Variants in USP3 observed in about 807,000 individuals in gnomAD.
The protein encoded by USP3 is ubiquitin carboxyl-terminal hydrolase 3.
In USP3, 20 loss-of-function variants were observed where a neutral mutation model predicts 72.3. The observed-to-expected ratio is 0.28, with a 90% CI of 0.19 to 0.40. USP3 has a LOEUF of 0.40. USP3 is among the 10% of genes least tolerant of loss of function. USP3 has a pLI of 1.00. For missense variants in USP3, 479 were observed against 633.9 expected, an observed-to-expected ratio of 0.76 and a Z score of 2.62; for synonymous variants, 222 against 225.3, an observed-to-expected ratio of 0.99 and a Z score of 0.13.
intron 3 of USP3, among the ~76,000 whole-genome samples, chr15:63,538,111 T>C (rs1008040527): frequency 1.3e-5 from 2 of 152,218 alleles, no homozygotes; most frequent in Non-Finnish European, 2.9e-5. Flanking sequence ...TTGTGACTAC[T>C]TAGAACTAGG....
In USP3 at chr15:63,548,150, T is replaced by C. The variant is rs140362760; in HGVS notation, c.285-5565T>C. ...AGTTACAAAAAACTAAAAAAAAATC[T>C]TAGAGACAGGGTCTCTGTCACCCAG... On this transcript the variant is annotated intron_variant, in intron 3 of 14. Coordinates refer to ENST00000380324, the MANE Select transcript of USP3 (RefSeq NM_006537.4). Among the ~76,000 whole-genome samples, 268 of 151,136 alleles carry C rather than the reference T, an allele frequency of 1.8e-3. 3 individuals carry two copies. In the East Asian group the frequency reaches 0.023, roughly 13 times the overall value.
At chr15:63,548,357 A>ACT (rs1304893510) in intron 3 of USP3, among the ~76,000 whole-genome samples, 1 of 151,270 alleles carries the variant, frequency 6.6e-6, no homozygotes, top group African/African-American at 2.4e-5. Flanking sequence ...ACAGAGTCTC[A>ACT]CTCTGTTGCC....
Position 63,570,313 on chromosome 15 carries a change from C to G in USP3, c.762-120C>G. ...GCTTTCGGGCATGAAGGTGAGGAAG[C>G]CTGGCTGTGCTTGTGAGCACGGGGC... On this transcript the variant is annotated intron_variant, in intron 8 of 14. Transcript: ENST00000380324. The surrounding 1 kb of genome is among the most constrained non-coding windows in gnomAD (Gnocchi z 4.4). 7.8e-7 allele frequency: 1 copy of G among 1,289,822 alleles called. No homozygotes were observed. The highest frequency in any genetic ancestry group is 1.1e-6 in the Non-Finnish European group (1 of 939,000). 79.9% of individuals were successfully genotyped at this position (1,289,822 alleles called of 1,614,324 possible).
rs141832356 is a variant in USP3, at chr15:63,556,561, G to C, written c.369-106G>C. The C allele has an allele frequency of 2.6e-3, 1,969 of 753,006 alleles. 26 individuals carry two copies. The African/African-American group carries it at 0.032, about 12-fold the overall frequency. The allele number at this position is 753,006 out of a possible 1,614,324, so 46.6% of individuals were successfully genotyped here. ...GTAGGCCTGACGAAGCAGTCAGGGAGGTCTCCATGCCCTAGGTGTTGAGGG... is the reference window on the plus strand; with the variant it reads ...GTAGGCCTGACGAAGCAGTCAGGGACGTCTCCATGCCCTAGGTGTTGAGGG... On this transcript the variant is annotated intron_variant, in intron 4 of 14. Transcript: ENST00000380324.
chr15:63,555,320 T>A (rs1306897019), intron 4 of USP3, among the ~76,000 whole-genome samples: 1 of 151,684 alleles, frequency 6.6e-6, no homozygotes, highest in East Asian at 2.0e-4. Flanking sequence ...TACTTAACTT[T>A]CGACTATTCC....
At chr15:63,540,504 T>TA in intron 3 of USP3, among the ~76,000 whole-genome samples, 1 of 152,310 alleles carries the variant, frequency 6.6e-6, no homozygotes, top group Admixed American at 6.5e-5. Context: ...TGGGGAAGGT[T>TA]ACATCAGATC....
chr15:63,505,873 A>G (rs1056739246), intron 1 of USP3, among the ~76,000 whole-genome samples: 1 of 152,160 alleles, frequency 6.6e-6, no homozygotes, highest in African/African-American at 2.4e-5. Flanking sequence ...ATATAGAAAA[A>G]CGGCAATGGT....
At chr15:63,546,391 G>T (rs1468770136) in intron 3 of USP3, among the ~76,000 whole-genome samples, 2 of 152,098 alleles carry the variant, frequency 1.3e-5, no homozygotes, top group African/African-American at 2.4e-5. Flanking sequence ...CAATCTACAC[G>T]TTTTTGAAAC....
In USP3 at chr15:63,537,923, G is replaced by A. The variant is rs143642508; in HGVS notation, c.284+767G>A. Among the ~76,000 whole-genome samples, 11 of 151,798 alleles carry A rather than the reference G, an allele frequency of 7.2e-5. No individual in the cohort carries two copies. The East Asian group carries it at 2.1e-3, about 29-fold the overall frequency. On this transcript the variant is annotated intron_variant, in intron 3 of 14. Transcript: ENST00000380324. ...TGGTCTCGTACTCCTGACCTCAGGT[G>A]ATTTGCCTGCCTCGGCCTCCTAAAG... is the stretch of plus-strand genomic sequence containing the variant.
intron 7 of USP3, among the ~76,000 whole-genome samples, chr15:63,560,182 T>G (rs576743751): frequency 5.9e-5 from 9 of 152,234 alleles, no homozygotes; most frequent in East Asian, 1.9e-4. Flanking sequence ...CACTTTGGGA[T>G]GCTGAGGCGG....
intron 8 of USP3, 47 bp downstream of exon 8, chr15:63,563,055 T>A: frequency 7.8e-7 from 1 of 1,280,980 alleles, no homozygotes; most frequent in Non-Finnish European, 1.1e-6. Context: ...TTAGTGTTTA[T>A]ACTGTTCCTG....
At chr15:63,546,775 G>A (rs954358994) in intron 3 of USP3, among the ~76,000 whole-genome samples, 3 of 151,792 alleles carry the variant, frequency 2.0e-5, no homozygotes, top group Non-Finnish European at 2.9e-5. Flanking sequence ...AATTTTTTGG[G>A]TGGGGGGTAT....
chr15:63,508,124 G>A (rs993001522), intron 1 of USP3, among the ~76,000 whole-genome samples: 1 of 152,130 alleles, frequency 6.6e-6, no homozygotes, highest in Non-Finnish European at 1.5e-5. Context: ...GTAAACAAAA[G>A]TAACATCTTA....
At chr15:63,514,004 C>T (rs2065821295) in intron 1 of USP3, among the ~76,000 whole-genome samples, 1 of 152,098 alleles carries the variant, frequency 6.6e-6, no homozygotes, top group Admixed American at 6.5e-5. Flanking sequence ...CTCTTATTTC[C>T]ATGTGAATTA....
At chr15:63,557,037 G>T in intron 5 of USP3, 1 of 202,238 alleles carries the variant, frequency 4.9e-6, no homozygotes, top group Non-Finnish European at 1.0e-5. Flanking sequence ...AGAAAACCCA[G>T]CCTTTGTTTT....
chr15:63,581,361 G>GTA (rs2152681970), intron 11 of USP3, among the ~76,000 whole-genome samples: 1 of 28,544 alleles, frequency 3.5e-5, no homozygotes, highest in East Asian at 2.4e-4. Flanking sequence ...GTGTGTGTGT[G>GTA]TGTGTGTGTG....
At chr15:63,508,672 T>G (rs541616139) in intron 1 of USP3, among the ~76,000 whole-genome samples, 1 of 152,202 alleles carries the variant, frequency 6.6e-6, no homozygotes, top group South Asian at 2.1e-4. Flanking sequence ...GGTAAAAGAG[T>G]TTAACCAGTG....
intron 1 of USP3, among the ~76,000 whole-genome samples, chr15:63,521,377 A>C (rs1406016389): frequency 6.6e-6 from 1 of 152,214 alleles, no homozygotes; most frequent in Non-Finnish European, 1.5e-5. Flanking sequence ...AGGTATCTTC[A>C]GGGAAGAACA....
Position 63,553,869 on chromosome 15 carries a change from G to T in USP3, c.368+71G>T, listed in dbSNP as rs958255828. 3.3e-6 allele frequency: 4 copies of T among 1,229,010 alleles called. No homozygotes were observed. Among genetic ancestry groups the T allele is most frequent in the African/African-American group, 1.6e-5 (1 of 64,502 alleles). 76.1% of individuals were successfully genotyped at this position (1,229,010 alleles called of 1,614,324 possible). ...GAGGAGTCTTTTAGAATTTTTGAGT[G>T]GGGTTTTTGTTGATGAGTTTAATAA... On this transcript the variant is annotated intron_variant, in intron 4 of 14. Coordinates refer to ENST00000380324, the MANE Select transcript of USP3 (RefSeq NM_006537.4). The surrounding 1 kb of genome is among the most constrained non-coding windows in gnomAD (Gnocchi z 4.2).
Sources: gnomAD v4.1 joint callset for allele counts (sites outside exome capture counted in the v4.1 genomes callset) on GRCh38, gnomAD v4.1.1 for gene constraint, Gnocchi (gnomAD v3.1) non-coding constraint, MANE v1.5 for transcripts, NCBI Gene and HGNC (gene_info 2026-07-23, HGNC 2026-07-21) for gene names.